The following SEMA3D variants were observed in gnomAD, a reference collection of about 807,000 sequenced individuals.
SEMA3D encodes semaphorin 3D.
Under a neutral mutation model 100.1 loss-of-function variants are expected in SEMA3D, and 84 were observed. The observed-to-expected ratio is 0.84, with a 90% CI of 0.70 to 1.01. The LOEUF is 1.01. Ranked by LOEUF, SEMA3D falls within the 50% of genes least tolerant of loss-of-function variation. The probability of loss-of-function intolerance (pLI) is 0.00; values close to 1 mark genes in which losing one functional copy is unlikely to be tolerated. For synonymous variants in SEMA3D, 312 were observed against 320.7 expected (o/e 0.97, Z 0.29); for missense variants, 875 against 934.1 (o/e 0.94, Z 0.82).
chr7:85,022,425 T>G lies in SEMA3D; in HGVS notation c.1380A>C (p.Glu460Asp), dbSNP rs781276754. The change falls in exon 13 of 19, where the codon GAA becomes GAC. Residue 460 changes from glutamate (E) to aspartate (D), a missense_variant. Glu to Asp is a conservative substitution (Grantham distance 45, BLOSUM62 2). Coordinates refer to ENST00000284136, the MANE Select transcript of SEMA3D (RefSeq NM_001384900.1). ...TQIVVDHVIA[E>D]DGQYDVMFLG... is the part of the protein sequence containing the mutation. The stretch of plus-strand genomic sequence containing the variant: ...GAAACATTACATCGTACTGGCCATC[T>G]TCTGCAATGACATGATCCACCACTA... 6.8e-6 allele frequency: 11 copies of G among 1,612,192 alleles called. No homozygotes were observed. The Admixed American group carries it at 8.3e-5, about 12-fold the overall frequency.
chr7:85,239,658 A>C, the SEMA3D span, among the ~76,000 whole-genome samples: 1 of 152,152 alleles, frequency 6.6e-6, no homozygotes, highest in Non-Finnish European at 1.5e-5. Context: ...TTATGCTGGA[A>C]CTGTACTCAC....
chr7:85,248,026 AT>A, the SEMA3D span, among the ~76,000 whole-genome samples: 1 of 152,160 alleles, frequency 6.6e-6, no homozygotes, highest in East Asian at 1.9e-4. Context: ...GAAAGAAAAA[AT>A]GTGAAAAGTT....
chr7:85,179,902 C>A (rs1791352435), intron 1 of SEMA3D, among the ~76,000 whole-genome samples: 1 of 152,096 alleles, frequency 6.6e-6, no homozygotes, highest in Admixed American at 6.6e-5. Context: ...ACCTCGTGAT[C>A]CACCTGCCTC....
At chr7:85,243,388 A>G in the SEMA3D span, among the ~76,000 whole-genome samples, 1 of 152,136 alleles carries the variant, frequency 6.6e-6, no homozygotes, top group East Asian at 1.9e-4. Context: ...ATTTGTTCAC[A>G]CTAATTCTCC....
At chr7:85,005,386 T>G (rs961055308) in intron 18 of SEMA3D, among the ~76,000 whole-genome samples, 1 of 152,076 alleles carries the variant, frequency 6.6e-6, no homozygotes, top group Non-Finnish European at 1.5e-5. Context: ...AGTGTAACTA[T>G]GAATCTGCCA....
At chr7:85,203,466 AG>A in the SEMA3D span, among the ~76,000 whole-genome samples, 1 of 152,226 alleles carries the variant, frequency 6.6e-6, no homozygotes, top group Non-Finnish European at 1.5e-5. Context: ...TGCAGAATAG[AG>A]TACAGGCTTA....
chr7:85,153,150 G>A (rs1790478585), intron 2 of SEMA3D, among the ~76,000 whole-genome samples: 1 of 152,016 alleles, frequency 6.6e-6, no homozygotes, highest in Non-Finnish European at 1.5e-5. Flanking sequence ...GACTGCCTTT[G>A]GTATAAGCAG....
chr7:85,146,568 T>C (rs973869964), intron 2 of SEMA3D, among the ~76,000 whole-genome samples: 2 of 151,182 alleles, frequency 1.3e-5, no homozygotes, highest in South Asian at 2.1e-4. Flanking sequence ...AAAATATATA[T>C]ATATATTTTT....
At chr7:85,105,557 G>A (rs1403212283) in intron 3 of SEMA3D, among the ~76,000 whole-genome samples, 1 of 151,988 alleles carries the variant, frequency 6.6e-6, no homozygotes, top group Non-Finnish European at 1.5e-5. Flanking sequence ...AAAAATATTA[G>A]TCAAATCTAA....
chr7:85,042,836 G>C (rs1432415896), intron 9 of SEMA3D, among the ~76,000 whole-genome samples: 1 of 152,032 alleles, frequency 6.6e-6, no homozygotes, highest in Non-Finnish European at 1.5e-5. Flanking sequence ...ACTGAACCCA[G>C]CTGAAATATG....
chr7:85,211,606 G>A, the SEMA3D span, among the ~76,000 whole-genome samples: 3 of 151,890 alleles, frequency 2.0e-5, no homozygotes, highest in Admixed American at 6.6e-5. Context: ...TGCATGAAAG[G>A]CTTCAGAAAT....
chr7:85,107,756 T>C (rs1788972791), intron 3 of SEMA3D, among the ~76,000 whole-genome samples: 1 of 152,102 alleles, frequency 6.6e-6, no homozygotes, highest in Admixed American at 6.6e-5. Flanking sequence ...TAAGTCTGTT[T>C]AACCCCCCTC....
rs774391242 is a variant in SEMA3D, at chr7:85,073,082, C to T, written c.376-1G>A. Reference sequence around the variant, plus strand: ...CTCTGATGAAATTTGCACATTCTGTCTGTTGGGCACAAAAATTAAAAGCAT... The same window carrying T: ...CTCTGATGAAATTTGCACATTCTGTTTGTTGGGCACAAAAATTAAAAGCAT... On this transcript the variant is annotated splice_acceptor_variant, in intron 5 of 18. Transcript: ENST00000284136. LOFTEE classifies it high-confidence loss of function. 8.7e-6 allele frequency: 14 copies of T among 1,611,426 alleles called. No individual in the cohort carries two copies. The highest frequency in any genetic ancestry group is 1.2e-5 in the Non-Finnish European group (14 of 1,179,278).
intron 1 of SEMA3D, among the ~76,000 whole-genome samples, chr7:85,175,914 T>A (rs1399959532): frequency 6.6e-6 from 1 of 152,062 alleles, no homozygotes; most frequent in Non-Finnish European, 1.5e-5. Flanking sequence ...TGCAAAAATA[T>A]ATAAAGAATT....
At chr7:85,001,926 T>A (rs1208801214) in intron 18 of SEMA3D, among the ~76,000 whole-genome samples, 1 of 152,164 alleles carries the variant, frequency 6.6e-6, no homozygotes, top group African/African-American at 2.4e-5. Context: ...TAACTGGTAC[T>A]CTTGCTTATG....
At chr7:85,229,736 A>G in the SEMA3D span, among the ~76,000 whole-genome samples, 11 of 152,178 alleles carry the variant, frequency 7.2e-5, no homozygotes, top group South Asian at 4.1e-4. Context: ...CATATTTTGC[A>G]TTTTCCCCTC....
At position 85,065,407 on chromosome 7, in the gene SEMA3D, A is replaced by C. The variant is rs746464516; in HGVS notation, c.718+17T>G. 1 of 1,568,932 alleles carries C rather than the reference A, an allele frequency of 6.4e-7. No homozygotes were observed. The highest frequency in any genetic ancestry group is 8.7e-7 in the Non-Finnish European group (1 of 1,148,578). On this transcript the variant is annotated intron_variant, in intron 8 of 18. Transcript: ENST00000284136. ...CAAAGCAAGACAATCAAAAGTAAAC[A>C]AAAAAAAATCACAAACCATTGAGCC...
intron 7 of SEMA3D, among the ~76,000 whole-genome samples, chr7:85,067,490 C>G (rs914936604): frequency 1.2e-4 from 19 of 152,158 alleles, no homozygotes; most frequent in Non-Finnish European, 2.2e-4. Context: ...TCACTCTTAT[C>G]GTCTATTCAA....
chr7:85,146,938 T>A (rs959211083), intron 2 of SEMA3D, among the ~76,000 whole-genome samples: 2 of 152,044 alleles, frequency 1.3e-5, no homozygotes, highest in East Asian at 3.9e-4. Context: ...GGTACAGCAA[T>A]TAGGAGGAAG....
Sources: gnomAD v4.1 joint callset for allele counts (sites outside exome capture counted in the v4.1 genomes callset) on GRCh38, gnomAD v4.1.1 for gene constraint, MANE v1.5 for transcripts, NCBI Gene and HGNC (gene_info 2026-07-23, HGNC 2026-07-21) for gene names.